The following RAB5C variants were observed in gnomAD, a reference collection of about 807,000 sequenced individuals.
RAB5C encodes ras-related protein Rab-5C.
Under a neutral mutation model 25.2 loss-of-function variants are expected in RAB5C, and 4 were observed. That is an observed-to-expected ratio of 0.16 (90% CI 0.08 to 0.36). The LOEUF (loss-of-function observed/expected upper bound fraction) is 0.36, where lower values mean the gene tolerates loss of function less well. Among genes scored for constraint, RAB5C ranks in the 10% least tolerant of loss-of-function variants. The probability of loss-of-function intolerance (pLI) is 1.00; values close to 1 mark genes in which losing one functional copy is unlikely to be tolerated. For synonymous variants in RAB5C, 100 were observed against 106.4 expected (o/e 0.94, Z 0.37); for missense variants, 199 against 283.8 (o/e 0.70, Z 2.15).
At chr17:42,147,252 A>G (rs965395077) in intron 1 of RAB5C, among the ~76,000 whole-genome samples, 11 of 152,182 alleles carry the variant, frequency 7.2e-5, no homozygotes, top group Admixed American at 2.0e-4. Flanking sequence ...TAAAGACCCC[A>G]TCTGTGGAAT....
At position 42,145,022 on chromosome 17, in the gene RAB5C, G is replaced by A. The variant is rs146989404; in HGVS notation, c.-89+9871C>T. ...TAAAAAAAATACAAAAAAATTAGCC[G>A]GGTGTGGTGGCGCGCGCCTATAGGC... On this transcript the variant is annotated intron_variant, in intron 1 of 5. Coordinates refer to ENST00000346213, the MANE Select transcript of RAB5C (RefSeq NM_004583.4). Among the ~76,000 whole-genome samples the A allele has an allele frequency of 6.9e-3, 984 of 141,738 alleles. 11 individuals are homozygous for A. The highest frequency in any genetic ancestry group is 0.024 in the African/African-American group (926 of 38,744). The allele number at this position is 141,738 out of a possible 152,430, so 93.0% of individuals were successfully genotyped here.
At chr17:42,153,774 C>A (rs1352000733) in intron 1 of RAB5C, among the ~76,000 whole-genome samples, 1 of 152,202 alleles carries the variant, frequency 6.6e-6, no homozygotes, top group Non-Finnish European at 1.5e-5. Context: ...CCCCAAGCAA[C>A]AGACAAGGAT....
chr17:42,128,617 G>A lies in RAB5C; in HGVS notation c.318+32C>T, dbSNP rs776116743. The A allele has an allele frequency of 3.5e-6, 5 of 1,443,642 alleles. 1 individual carries two copies. The Admixed American group carries it at 1.3e-4, about 38-fold the overall frequency. 89.4% of individuals were successfully genotyped at this position (1,443,642 alleles called of 1,614,324 possible). The stretch of plus-strand genomic sequence containing the variant: ...ATCCCTGGGACTTTGAGAAGATGAA[G>A]GGCAAAGGAAGAAGCAAGGGGAAAT... On this transcript the variant is annotated intron_variant, in intron 3 of 5. Coordinates refer to ENST00000346213, the MANE Select transcript of RAB5C (RefSeq NM_004583.4).
intron 1 of RAB5C, among the ~76,000 whole-genome samples, chr17:42,149,336 T>G (rs779736439): frequency 2.6e-5 from 4 of 152,122 alleles, no homozygotes; most frequent in Non-Finnish European, 5.9e-5. Flanking sequence ...ATCCCAGCAC[T>G]TCGGGAGGCC....
At chr17:42,137,288 A>T (rs1032409500) in intron 1 of RAB5C, among the ~76,000 whole-genome samples, 1 of 151,666 alleles carries the variant, frequency 6.6e-6, no homozygotes, top group African/African-American at 2.4e-5. Context: ...CCTGGACAAC[A>T]GAGCGAGACA....
chr17:42,128,667 G>C lies in RAB5C; in HGVS notation c.300C>G (p.Val100=). 6.7e-7 allele frequency: 1 copy of C among 1,500,722 alleles called. No individual in the cohort carries two copies. Among genetic ancestry groups the C allele is most frequent in the South Asian group, 1.4e-5 (1 of 72,180 alleles). The allele number at this position is 1,500,722 out of a possible 1,614,324, so 93.0% of individuals were successfully genotyped here. The change falls in exon 3 of 6, where the codon GTC becomes GTG. Residue 100 remains valine, a synonymous_variant. Transcript: ENST00000346213. ...YYRGAQAAIV[V]YDITNTDTFA... ...TCTTTACTGTGTTGGTGATGTCATA[G>C]ACCACGATGGCAGCCTGGGCCCCCC... is the stretch of plus-strand genomic sequence containing the variant.
intron 1 of RAB5C, among the ~76,000 whole-genome samples, chr17:42,153,892 A>G (rs997578085): frequency 1.3e-5 from 2 of 152,234 alleles, no homozygotes; most frequent in African/African-American, 4.8e-5. Flanking sequence ...AGTCCTCAGT[A>G]ATAAGTCCAA....
At chr17:42,126,685 A>C (rs1292521746) in intron 5 of RAB5C, 70 bp downstream of exon 5, 3 of 768,858 alleles carry the variant, frequency 3.9e-6, no homozygotes. Context: ...CCGCAGGCCC[A>C]CTCTAGACCA....
Position 42,125,883 on chromosome 17 carries a change from T to C in RAB5C, c.551A>G (p.Lys184Arg). 6.2e-7 allele frequency: 1 copy of C among 1,610,300 alleles called. No individual in the cohort carries two copies. The highest frequency in any genetic ancestry group is 8.5e-7 in the Non-Finnish European group (1 of 1,178,426). The change falls in exon 6 of 6, where the codon AAG (lysine) becomes AGG (arginine). Residue 184 changes from lysine to arginine, a missense_variant. By Grantham distance (26) the Lys-to-Arg change is conservative. Transcript: ENST00000346213. The stretch of plus-strand genomic sequence containing the variant: ...ACCAGTTGCATTCTGGGGCTCGTTC[T>C]TGGGAAGCTTCTTAGCTGTTTGGGA... ...IFMAIAKKLP[K>R]NEPQNATGAP...
At chr17:42,130,106 A>G in intron 2 of RAB5C, 2 of 562,658 alleles carry the variant, frequency 3.6e-6, no homozygotes, top group Non-Finnish European at 6.1e-6. Flanking sequence ...CAGAAACAGG[A>G]TGGGAAGCTA....
intron 1 of RAB5C, among the ~76,000 whole-genome samples, chr17:42,135,364 C>T (rs1336193994): frequency 1.3e-5 from 2 of 151,466 alleles, no homozygotes. Context: ...CTCAAGTGAT[C>T]CTTCTATTTC....
At chr17:42,147,144 A>AAGAAAG (rs1274179332) in intron 1 of RAB5C, among the ~76,000 whole-genome samples, 62 of 99,674 alleles carry the variant, frequency 6.2e-4, no homozygotes, top group African/African-American at 2.9e-3. Context: ...GAAAGAAAGA[A>AAGAAAG]AGAGAGAGAG....
chr17:42,149,675 T>A (rs1051294627), intron 1 of RAB5C, among the ~76,000 whole-genome samples: 1 of 152,192 alleles, frequency 6.6e-6, no homozygotes, highest in African/African-American at 2.4e-5. Context: ...AGGACTGTTT[T>A]AATATTAAAA....
chr17:42,137,245 G>C (rs993568340), intron 1 of RAB5C, among the ~76,000 whole-genome samples: 1 of 151,726 alleles, frequency 6.6e-6, no homozygotes, highest in African/African-American at 2.4e-5. Flanking sequence ...GACAGAGGTT[G>C]TGGTGAGCGA....
intron 1 of RAB5C, among the ~76,000 whole-genome samples, chr17:42,137,314 G>GAAAAAAAAAAAAAA (rs1300048784): frequency 3.0e-5 from 3 of 98,606 alleles, no homozygotes; most frequent in Non-Finnish European, 2.2e-5. Flanking sequence ...TCAAAAAAAA[G>GAAAAAAAAAAAAAA]AAAAAAAAAA....
Position 42,125,907 on chromosome 17 carries a change from GA to G in RAB5C, c.536-10del. 1 of 1,597,378 alleles carries G rather than the reference GA, an allele frequency of 6.3e-7. No individual in the cohort carries two copies. Among genetic ancestry groups the G allele is most frequent in the Non-Finnish European group, 8.5e-7 (1 of 1,170,366 alleles). On this transcript the variant is annotated splice_polypyrimidine_tract_variant and intron_variant, in intron 5 of 5. Transcript: ENST00000346213. ...CTTGGGAAGCTTCTTAGCTGTTTGG[GA>G]GGGGGAAAAGTGCATTTGTTGGGGG...
intron 1 of RAB5C, among the ~76,000 whole-genome samples, chr17:42,147,144 A>AAGAGAGAGAG (rs572493429): frequency 1.0e-5 from 1 of 99,620 alleles, no homozygotes; most frequent in African/African-American, 6.7e-5. Context: ...GAAAGAAAGA[A>AAGAGAGAGAG]AGAGAGAGAG....
chr17:42,148,739 A>G (rs1358847874), intron 1 of RAB5C, among the ~76,000 whole-genome samples: 4 of 152,270 alleles, frequency 2.6e-5, no homozygotes, highest in African/African-American at 7.2e-5. Flanking sequence ...AGGGAGATAC[A>G]GTTTCCAGGC....
At chr17:42,136,831 C>T (rs767893169) in intron 1 of RAB5C, among the ~76,000 whole-genome samples, 7 of 151,960 alleles carry the variant, frequency 4.6e-5, no homozygotes, top group Non-Finnish European at 7.4e-5. Flanking sequence ...CCAAGCCTGC[C>T]CAAGACTCAT....
Sources: gnomAD v4.1 joint callset for allele counts (sites outside exome capture counted in the v4.1 genomes callset) on GRCh38, gnomAD v4.1.1 for gene constraint, MANE v1.5 for transcripts, NCBI Gene and HGNC (gene_info 2026-07-23, HGNC 2026-07-21) for gene names.